Variants in MYCBP2 observed in about 807,000 individuals in gnomAD.
The protein encoded by MYCBP2 is E3 ubiquitin-protein ligase MYCBP2.
Under a neutral mutation model 525.3 loss-of-function variants are expected in MYCBP2, and 120 were observed. That is an observed-to-expected ratio of 0.23 (90% CI 0.20 to 0.27). The LOEUF is 0.27. Ranked by LOEUF, MYCBP2 falls within the 10% of genes least tolerant of loss-of-function variation. MYCBP2 has a pLI of 1.00. For synonymous variants in MYCBP2, 1,894 were observed against 1,955.8 expected, an observed-to-expected ratio of 0.97 and a Z score of 0.83; for missense variants, 4,149 against 5,657.1, an observed-to-expected ratio of 0.73 and a Z score of 8.55.
intron 1 of MYCBP2, among the ~76,000 whole-genome samples, chr13:77,310,567 T>G (rs75095574): frequency 0.029 from 4,489 of 152,278 alleles, 95 homozygotes; most frequent in East Asian, 0.053. Flanking sequence ...AAATATGTCA[T>G]ATATATGATT....
chr13:77,160,027 G>A (rs994971018), intron 44 of MYCBP2, among the ~76,000 whole-genome samples: 3 of 151,248 alleles, frequency 2.0e-5, no homozygotes, highest in Admixed American at 6.6e-5. Flanking sequence ...CAACACTACA[G>A]CTCCCTATGA....
At position 77,228,828 on chromosome 13, in the gene MYCBP2, T is replaced by C. The variant is rs545716413; in HGVS notation, c.2738-3274A>G. Among the ~76,000 whole-genome samples the C allele has an allele frequency of 3.3e-5, 5 of 152,210 alleles. 1 individual carries two copies. The South Asian group carries it at 1.0e-3, about 32-fold the overall frequency. ...CACATTATATATAATTATATACACA[T>C]ATTTGTATACACAGAGAAAAAAGAG... On this transcript the variant is annotated intron_variant, in intron 18 of 82. Coordinates refer to ENST00000544440, the MANE Select transcript of MYCBP2 (RefSeq NM_015057.5).
At chr13:77,090,817 T>C (rs2045273638) in intron 59 of MYCBP2, among the ~76,000 whole-genome samples, 1 of 152,282 alleles carries the variant, frequency 6.6e-6, no homozygotes, top group African/African-American at 2.4e-5. Flanking sequence ...GTATTTACAC[T>C]CTATAAAAGA....
intron 60 of MYCBP2, among the ~76,000 whole-genome samples, chr13:77,089,837 G>A (rs540981009): frequency 3.3e-5 from 5 of 152,008 alleles, no homozygotes; most frequent in Non-Finnish European, 5.9e-5. Flanking sequence ...GTAACATTTG[G>A]CTTAGATACC....
intron 52 of MYCBP2, among the ~76,000 whole-genome samples, chr13:77,138,823 T>G (rs2054153739): frequency 6.6e-6 from 1 of 152,258 alleles, no homozygotes; most frequent in Non-Finnish European, 1.5e-5. Flanking sequence ...TACATGTTTT[T>G]GAATGTATAA....
At chr13:77,260,383 T>C (rs2073061311) in intron 13 of MYCBP2, 45 bp downstream of exon 13, 1 of 1,367,538 alleles carries the variant, frequency 7.3e-7, no homozygotes, top group East Asian at 2.5e-5. Context: ...ACATAACTAG[T>C]ATTGAAACTT....
intron 55 of MYCBP2, among the ~76,000 whole-genome samples, chr13:77,118,677 G>C (rs577885632): frequency 6.6e-6 from 1 of 151,706 alleles, no homozygotes; most frequent in Non-Finnish European, 1.5e-5. Context: ...AATTTTGCAA[G>C]CTTTTTTTTT....
chr13:77,127,898 T>A (rs2051976323), intron 52 of MYCBP2, among the ~76,000 whole-genome samples: 1 of 151,882 alleles, frequency 6.6e-6, no homozygotes, highest in Admixed American at 6.6e-5. Context: ...CTCACTATAG[T>A]GATGAATAAC....
intron 55 of MYCBP2, among the ~76,000 whole-genome samples, chr13:77,102,055 T>C (rs979998271): frequency 6.6e-6 from 1 of 151,962 alleles, no homozygotes; most frequent in East Asian, 1.9e-4. Flanking sequence ...AATGACAGGA[T>C]AGAAACTTAG....
At chr13:77,200,421 G>A (rs1314354052) in intron 26 of MYCBP2, among the ~76,000 whole-genome samples, 1 of 151,792 alleles carries the variant, frequency 6.6e-6, no homozygotes, top group Non-Finnish European at 1.5e-5. Flanking sequence ...TCTGATTGGT[G>A]TACCTGAAAG....
At chr13:77,240,859 T>C (rs991703794) in intron 17 of MYCBP2, among the ~76,000 whole-genome samples, 1 of 152,142 alleles carries the variant, frequency 6.6e-6, no homozygotes, top group Non-Finnish European at 1.5e-5. Context: ...AGAAAAGATA[T>C]TCACTATATA....
At chr13:77,182,828 G>A (rs565255088) in intron 32 of MYCBP2, among the ~76,000 whole-genome samples, 3 of 152,144 alleles carry the variant, frequency 2.0e-5, no homozygotes, top group Admixed American at 6.5e-5. Flanking sequence ...TAGATACCAC[G>A]TGTCTTGTTT....
chr13:77,214,220 A>T (rs2064461077), intron 21 of MYCBP2, among the ~76,000 whole-genome samples: 12 of 152,164 alleles, frequency 7.9e-5, no homozygotes, highest in Admixed American at 7.9e-4. Context: ...AATCTCATAC[A>T]CCGTTAGTGT....
intron 49 of MYCBP2, among the ~76,000 whole-genome samples, chr13:77,142,348 G>A (rs762321250): frequency 3.9e-5 from 6 of 152,156 alleles, no homozygotes; most frequent in Non-Finnish European, 8.8e-5. Flanking sequence ...CTGAACTAAA[G>A]GCTTTATGAA....
At chr13:77,300,106 A>G (rs2078611463) in intron 1 of MYCBP2, among the ~76,000 whole-genome samples, 1 of 152,236 alleles carries the variant, frequency 6.6e-6, no homozygotes, top group Admixed American at 6.5e-5. Flanking sequence ...AAATAAAGAG[A>G]TGAAGGAGAC....
intron 55 of MYCBP2, among the ~76,000 whole-genome samples, chr13:77,116,823 T>G (rs1478056580): frequency 6.6e-6 from 1 of 152,092 alleles, no homozygotes; most frequent in Non-Finnish European, 1.5e-5. Context: ...TGAAATATTT[T>G]ATTAATTAAA....
At chr13:77,134,085 T>C (rs2053348020) in intron 52 of MYCBP2, among the ~76,000 whole-genome samples, 1 of 152,088 alleles carries the variant, frequency 6.6e-6, no homozygotes, top group Non-Finnish European at 1.5e-5. Context: ...TTAATGACTA[T>C]AGCAAAAATG....
At chr13:77,261,402 T>A in intron 11 of MYCBP2, 27 bp from the exon 12 acceptor site, 1 of 1,477,546 alleles carries the variant, frequency 6.8e-7, no homozygotes, top group Non-Finnish European at 9.3e-7. Context: ...AAAAAGGAAT[T>A]ATGGTACTTT....
At chr13:77,200,592 A>C (rs1170158820) in intron 26 of MYCBP2, among the ~76,000 whole-genome samples, 1 of 152,222 alleles carries the variant, frequency 6.6e-6, no homozygotes, top group Non-Finnish European at 1.5e-5. Context: ...CATAATTGTC[A>C]GATTTACCAA....
Sources: allele counts gnomAD v4.1 joint callset (sites outside exome capture counted in the v4.1 genomes callset), GRCh38; gene constraint gnomAD v4.1.1; transcripts MANE v1.5; gene names NCBI Gene and HGNC (gene_info 2026-07-23, HGNC 2026-07-21).